NOBOX: variants seen among roughly 807,000 people sequenced by gnomAD.
NOBOX encodes NOBOX oogenesis homeobox.
In NOBOX, 46 loss-of-function variants were observed where a neutral mutation model predicts 60.2. That is an observed-to-expected ratio of 0.76 (90% CI 0.60 to 0.98). The LOEUF (loss-of-function observed/expected upper bound fraction) is 0.98, where lower values mean the gene tolerates loss of function less well. Ranked by LOEUF, NOBOX falls within the 50% of genes least tolerant of loss-of-function variation. The pLI is 0.00. For missense variants in NOBOX, 880 were observed against 865.5 expected, an observed-to-expected ratio of 1.02 and a Z score of -0.21; for synonymous variants, 360 against 346.3, an observed-to-expected ratio of 1.04 and a Z score of -0.44.
In NOBOX at chr7:144,398,553, C is replaced by T. The variant is rs1250627982; in HGVS notation, c.1503G>A (p.Glu501=). Reference sequence around the variant, plus strand: ...GTTGGTAATCCTGGGGCTCCAGCTCCTCCAAATATGAACAGGGGGGTGGCA... The same window carrying T: ...GTTGGTAATCCTGGGGCTCCAGCTCTTCCAAATATGAACAGGGGGGTGGCA... Residue 501 remains glutamate (E), a synonymous_variant, in exon 9 of 10, where the codon GAG becomes GAA. Transcript: ENST00000467773. 1.3e-6 allele frequency: 2 copies of T among 1,536,044 alleles called. No individual in the cohort carries two copies. Among genetic ancestry groups the T allele is most frequent in the South Asian group, 1.2e-5 (1 of 84,004 alleles).
intron 9 of NOBOX, 121 bp from the exon 8 acceptor site, chr7:144,397,662 G>T: frequency 3.5e-6 from 3 of 850,554 alleles, no homozygotes; most frequent in Non-Finnish European, 5.3e-6. Flanking sequence ...TAGGACCTCA[G>T]TGTAAGTCTG....
intron 1 of NOBOX, among the ~76,000 whole-genome samples, chr7:144,407,494 C>T (rs964970652): frequency 2.0e-5 from 3 of 152,224 alleles, no homozygotes; most frequent in African/African-American, 7.2e-5. Flanking sequence ...GAAGAGATGA[C>T]CTGTCCAAAG....
chr7:144,403,180 G>T (rs2053955489), intron 2 of NOBOX, among the ~76,000 whole-genome samples: 1 of 152,170 alleles, frequency 6.6e-6, no homozygotes, highest in East Asian at 1.9e-4. Flanking sequence ...TGGTGAAGAG[G>T]GTGAGCAGGC....
intron 2 of NOBOX, among the ~76,000 whole-genome samples, chr7:144,402,886 A>G (rs1433034461): frequency 6.7e-6 from 1 of 149,990 alleles, no homozygotes; most frequent in African/African-American, 2.5e-5. Flanking sequence ...CCTCCCAAGT[A>G]GCTGGGATTA....
intron 1 of NOBOX, among the ~76,000 whole-genome samples, chr7:144,406,678 A>T (rs2053987839): frequency 6.6e-6 from 1 of 152,222 alleles, no homozygotes; most frequent in Non-Finnish European, 1.5e-5. Context: ...GCTGCAAGTG[A>T]ATTTTATCTA....
chr7:144,400,401 C>A, intron 4 of NOBOX, 89 bp from the exon 3 acceptor site: 1 of 1,167,346 alleles, frequency 8.6e-7, no homozygotes, highest in Non-Finnish European at 1.2e-6. Flanking sequence ...GTATCTCCAA[C>A]AGATGGGGCC....
Position 144,401,547 on chromosome 7 carries a change from GTTCCT to G in NOBOX, c.338_342del (p.Glu113AlafsTer15), listed in dbSNP as rs2053939865. ...GCATGAGGGGCTGAGCCCCGGAGCA[GTTCCT>G]CCTCCCCGGGTCCTGCAGCCAGGGG... On this transcript the variant is annotated frameshift_variant, in exon 4 of 10. Transcript: ENST00000467773. LOFTEE classifies it high-confidence loss of function. This position sits in a 1 kb window ranked among gnomAD's most constrained non-coding sequence, Gnocchi z 4.2. 6.6e-7 allele frequency: 1 copy of G among 1,513,812 alleles called. No individual in the cohort carries two copies. Among genetic ancestry groups the G allele is most frequent in the Non-Finnish European group, 8.8e-7 (1 of 1,136,656 alleles). The allele number at this position is 1,513,812 out of a possible 1,614,324, so 93.8% of individuals were successfully genotyped here.
chr7:144,405,836 C>T (rs979358645), intron 1 of NOBOX, among the ~76,000 whole-genome samples: 1 of 152,282 alleles, frequency 6.6e-6, no homozygotes, highest in East Asian at 1.9e-4. Flanking sequence ...TACCCAGAAA[C>T]ATCCATTTGA....
intron 1 of NOBOX, among the ~76,000 whole-genome samples, chr7:144,409,876 G>C (rs1435152309): frequency 6.6e-6 from 1 of 152,216 alleles, no homozygotes; most frequent in Admixed American, 6.5e-5. Flanking sequence ...GGGATTCTAA[G>C]GTCGTAAACC....
In NOBOX at chr7:144,400,270, T is replaced by C; in HGVS notation, c.887A>G (p.Tyr296Cys). ...CTCTCGGCGTTTATCACTGTCAGGA[T>C]AGTGGTCTTCTTGGAATATCTTCTC... The change falls in exon 5 of 10, where the codon TAT becomes TGT. Residue 296 changes from tyrosine (Y) to cysteine (C), a missense_variant. Coordinates refer to ENST00000467773, the MANE Select transcript of NOBOX (RefSeq NM_001080413.3). The C allele has an allele frequency of 6.2e-7, 1 of 1,614,094 alleles. No individual in the cohort carries two copies. Among genetic ancestry groups the C allele is most frequent in the Non-Finnish European group, 8.5e-7 (1 of 1,179,906 alleles).
chr7:144,399,069 C>T lies in NOBOX; in HGVS notation c.1350G>A (p.Arg450=), dbSNP rs2053916792. 6.6e-7 allele frequency: 1 copy of T among 1,507,306 alleles called. No homozygotes were observed. Among genetic ancestry groups the T allele is most frequent in the Non-Finnish European group, 9.2e-7 (1 of 1,086,214 alleles). The allele number at this position is 1,507,306 out of a possible 1,614,324, so 93.4% of individuals were successfully genotyped here. A position where few individuals can be genotyped will look rare whatever the true frequency, so the allele number is the denominator to read the frequency against. The change falls in exon 8 of 10, where the codon AGG becomes AGA. Residue 450 remains arginine (R), a synonymous_variant. Coordinates refer to ENST00000467773, the MANE Select transcript of NOBOX (RefSeq NM_001080413.3). ...GGCCAAGGGGGAAAGGAAGATCGGC[C>T]CTTCGCACAGGTGGGGGGCTGAAGA...
chr7:144,401,194 T>A lies in NOBOX; in HGVS notation c.696A>T (p.Pro232=), dbSNP rs2053935596. Residue 232 remains proline, a synonymous_variant, in exon 4 of 10, where the codon CCA becomes CCT. Transcript: ENST00000467773. The surrounding 1 kb of genome is among the most constrained non-coding windows in gnomAD (Gnocchi z 4.2). ...GCCCCCGGCCTGACCCACAGGGCAC[T>A]GGGTTGTGTGTGGCACGGGCTGAGT... 9.3e-6 allele frequency: 15 copies of A among 1,613,692 alleles called. No homozygotes were observed. The highest frequency in any genetic ancestry group is 1.3e-5 in the Non-Finnish European group (15 of 1,179,788).
In NOBOX at chr7:144,399,111, C is replaced by A; in HGVS notation, c.1308G>T (p.Arg436Ser). ...GGCTGAAGAGTGGGGGGGTCACCAC[C>A]CTCTGAGCACCCTCACTGGGTTGGG... is the stretch of plus-strand genomic sequence containing the variant. The change falls in exon 8 of 10, where the codon AGG (arginine) becomes AGT (serine). Residue 436 changes from arginine to serine, a missense_variant. Physicochemically the swap from Arg to Ser is moderately radical, Grantham distance 110. Transcript: ENST00000467773. The A allele has an allele frequency of 6.6e-7, 1 of 1,515,010 alleles. No homozygotes were observed. Among genetic ancestry groups the A allele is most frequent in the Non-Finnish European group, 9.2e-7 (1 of 1,092,732 alleles). The allele number at this position is 1,515,010 out of a possible 1,614,324, so 93.8% of individuals were successfully genotyped here.
Position 144,398,279 on chromosome 7 carries a change from C to T in NOBOX, c.1774+3G>A. The T allele has an allele frequency of 6.5e-7, 1 of 1,537,150 alleles. No individual in the cohort carries two copies. Among genetic ancestry groups the T allele is most frequent in the Non-Finnish European group, 8.7e-7 (1 of 1,146,902 alleles). On this transcript the variant is annotated splice_donor_region_variant and intron_variant, in intron 9 of 9. Transcript: ENST00000467773. ...GGGACCTTCTCTCCCAGCCTCAACT[C>T]ACCTATATTCCCAGCAGGTGGTTGC...
At chr7:144,399,321 C>A (rs1387137412) in intron 7 of NOBOX, 76 bp downstream of exon 5, 5 of 1,152,036 alleles carry the variant, frequency 4.3e-6, no homozygotes, top group Non-Finnish European at 6.4e-6. Flanking sequence ...CCAGTCACTC[C>A]CACCTCCATC....
At chr7:144,400,089 A>G (rs2053925965) in intron 5 of NOBOX, 117 bp downstream of exon 3, 1 of 1,606,326 alleles carries the variant, frequency 6.2e-7, no homozygotes, top group Admixed American at 1.7e-5. Context: ...GCCACGTCTG[A>G]GGCCTCAATT....
chr7:144,402,039 G>T, intron 2 of NOBOX: 1 of 938,692 alleles, frequency 1.1e-6, no homozygotes, highest in Non-Finnish European at 1.7e-6. Flanking sequence ...TGCACAACAG[G>T]CATTATTGCT....
In NOBOX at chr7:144,401,379, T is replaced by C. The variant is rs1475032792; in HGVS notation, c.511A>G (p.Arg171Gly). 6.2e-7 allele frequency: 1 copy of C among 1,613,614 alleles called. No individual in the cohort carries two copies. The highest frequency in any genetic ancestry group is 1.3e-5 in the African/African-American group (1 of 74,920). ...TGGGGCCTGGAGCGGGCTAGAGTTCTGTCTTTGTGGGGAGCCCTGGAGCGG... is the reference window on the plus strand; with the variant it reads ...TGGGGCCTGGAGCGGGCTAGAGTTCCGTCTTTGTGGGGAGCCCTGGAGCGG... The change falls in exon 4 of 10, where the codon AGA (arginine) becomes GGA (glycine). Residue 171 changes from arginine to glycine, a missense_variant. Coordinates refer to ENST00000467773, the MANE Select transcript of NOBOX (RefSeq NM_001080413.3). The surrounding 1 kb of genome is among the most constrained non-coding windows in gnomAD (Gnocchi z 4.2).
rs2053971184 is a variant in NOBOX at position 144,404,592 on chromosome 7, G to C, written c.174C>G (p.Ile58Met). The C allele has an allele frequency of 6.2e-7, 1 of 1,613,846 alleles. No individual in the cohort carries two copies. The highest frequency in any genetic ancestry group is 8.5e-7 in the Non-Finnish European group (1 of 1,179,890). ...TCTCCAGAGCACAAAGGCTGCACCG[G>C]ATGATGAAGAAGGAGCTGAAAGAGC... Residue 58 changes from isoleucine to methionine, a missense_variant, in exon 2 of 10, where the codon ATC becomes ATG. Physicochemically the swap from Ile to Met is conservative, Grantham distance 10 (BLOSUM62 1). Coordinates refer to ENST00000467773, the MANE Select transcript of NOBOX (RefSeq NM_001080413.3).
Sources: gnomAD v4.1 joint callset for allele counts (sites outside exome capture counted in the v4.1 genomes callset) on GRCh38, gnomAD v4.1.1 for gene constraint, Gnocchi (gnomAD v3.1) non-coding constraint, MANE v1.5 for transcripts, NCBI Gene and HGNC (gene_info 2026-07-23, HGNC 2026-07-21) for gene names.